Variants in TMEM132B observed in about 807,000 individuals in gnomAD.
The protein encoded by TMEM132B is transmembrane protein 132B.
In TMEM132B, 18 loss-of-function variants were observed where a neutral mutation model predicts 90.8. The ratio of observed to expected loss-of-function variants is 0.20; its 90% CI spans 0.14 to 0.29. TMEM132B has a LOEUF of 0.29. Among genes scored for constraint, TMEM132B ranks in the 10% least tolerant of loss-of-function variants. The pLI is 1.00. For synonymous variants in TMEM132B, 504 were observed against 523.3 expected, an observed-to-expected ratio of 0.96 and a Z score of 0.50; for missense variants, 1,096 against 1,326.8, an observed-to-expected ratio of 0.83 and a Z score of 2.70.
chr12:125,579,842 G>A (rs909445868), intron 4 of TMEM132B, among the ~76,000 whole-genome samples: 1 of 152,018 alleles, frequency 6.6e-6, no homozygotes, highest in African/African-American at 2.4e-5. Context: ...TTTTTTGCAT[G>A]TCTCATAAGT....
intron 1 of TMEM132B, among the ~76,000 whole-genome samples, chr12:125,273,981 C>T (rs539795964): frequency 3.3e-5 from 5 of 152,138 alleles, no homozygotes; most frequent in East Asian, 3.8e-4. Context: ...TACTTTTAAG[C>T]GCCCTCTGTG....
rs1449145836 is a variant in TMEM132B at position 125,406,472 on chromosome 12, A to G, written c.960-9059A>G. 6.6e-6 allele frequency among the ~76,000 whole-genome samples: 1 copy of G among 152,190 alleles called. No homozygotes were observed. ...CCGGGGAAAGGTGAGCCACAGTCTC[A>G]GTCTGTGGCCAAAACCATCTGAGAC... On this transcript the variant is annotated intron_variant, in intron 2 of 8. Transcript: ENST00000682704. The surrounding 1 kb of genome is among the most constrained non-coding windows in gnomAD (Gnocchi z 8.3).
chr12:125,412,270 A>G (rs1879870297), intron 2 of TMEM132B, among the ~76,000 whole-genome samples: 1 of 152,216 alleles, frequency 6.6e-6, no homozygotes. Context: ...AAAAGAAGGA[A>G]CAAAAATCTC....
Position 125,560,648 on chromosome 12 carries a change from C to T in TMEM132B, c.1294-23203C>T, listed in dbSNP as rs186810723. 3.6e-3 allele frequency among the ~76,000 whole-genome samples: 536 copies of T among 150,736 alleles called. 3 individuals carry two copies. The highest frequency in any genetic ancestry group is 0.012 in the African/African-American group (474 of 40,968). Reference sequence around the variant, plus strand: ...CCATCCTGGCTAATAAGGTGAAACCCCGTCTCTACTAAAAAAAATACAAAA... The same window carrying T: ...CCATCCTGGCTAATAAGGTGAAACCTCGTCTCTACTAAAAAAAATACAAAA... On this transcript the variant is annotated intron_variant, in intron 4 of 8. Transcript: ENST00000682704.
intron 3 of TMEM132B, among the ~76,000 whole-genome samples, chr12:125,436,963 C>T (rs1880725222): frequency 6.6e-6 from 1 of 152,198 alleles, no homozygotes; most frequent in South Asian, 2.1e-4. Context: ...TTTTGACCCT[C>T]AAGCCAGGTC....
intron 5 of TMEM132B, among the ~76,000 whole-genome samples, chr12:125,617,310 A>G (rs1352401735): frequency 1.3e-5 from 2 of 149,956 alleles, no homozygotes; most frequent in Non-Finnish European, 3.0e-5. Flanking sequence ...TCACCCTGCT[A>G]TGACAGTGAC....
chr12:125,536,933 TCAATACGAGCCTTA>T (rs1403403105), intron 4 of TMEM132B, among the ~76,000 whole-genome samples: 1 of 152,066 alleles, frequency 6.6e-6, no homozygotes, highest in Non-Finnish European at 1.5e-5. Flanking sequence ...TATGATATTA[TCAATACGAGCCTTA>T]CTGTTTACTC....
At chr12:125,297,934 G>C (rs1432862322) in intron 1 of TMEM132B, among the ~76,000 whole-genome samples, 1 of 152,164 alleles carries the variant, frequency 6.6e-6, no homozygotes, top group Non-Finnish European at 1.5e-5. Flanking sequence ...ATTCCCAACA[G>C]TAAACAAGCA....
chr12:125,464,639 T>G (rs919521853), intron 3 of TMEM132B, among the ~76,000 whole-genome samples: 1 of 152,170 alleles, frequency 6.6e-6, no homozygotes, highest in Non-Finnish European at 1.5e-5. Context: ...GTCTTCGTGA[T>G]TAAAGTCAAT....
At chr12:125,222,712 G>A (rs577205051) in intron 1 of TMEM132B, among the ~76,000 whole-genome samples, 43 of 152,192 alleles carry the variant, frequency 2.8e-4, no homozygotes, top group African/African-American at 1.0e-3. Context: ...TTGATTGTGG[G>A]GCTGTCCTGG....
chr12:125,481,786 C>T (rs1310201875), intron 3 of TMEM132B, among the ~76,000 whole-genome samples: 1 of 152,092 alleles, frequency 6.6e-6, no homozygotes. Flanking sequence ...AAAGAGTCCC[C>T]AGAGCCAAGA....
chr12:125,581,664 A>G (rs1057249481), intron 4 of TMEM132B, among the ~76,000 whole-genome samples: 2 of 152,160 alleles, frequency 1.3e-5, no homozygotes, highest in Non-Finnish European at 2.9e-5. Flanking sequence ...AGGGATGCTC[A>G]TTAGACAAAA....
At chr12:125,556,968 A>C (rs12308090) in intron 4 of TMEM132B, among the ~76,000 whole-genome samples, 1 of 152,020 alleles carries the variant, frequency 6.6e-6, no homozygotes, top group Non-Finnish European at 1.5e-5. Flanking sequence ...GTTAGCCAGG[A>C]CATCTCTGTT....
chr12:125,375,879 G>A (rs1315543902), intron 2 of TMEM132B, among the ~76,000 whole-genome samples: 1 of 152,216 alleles, frequency 6.6e-6, no homozygotes, highest in Non-Finnish European at 1.5e-5. Flanking sequence ...TCATCTTAGA[G>A]GCCACCTAAA....
intron 3 of TMEM132B, among the ~76,000 whole-genome samples, chr12:125,467,071 C>A (rs1208453690): frequency 6.6e-6 from 1 of 152,158 alleles, no homozygotes; most frequent in Non-Finnish European, 1.5e-5. Context: ...AGTGAACATC[C>A]CAAGGCTTTT....
At chr12:125,312,260 G>T (rs1439194185) in intron 1 of TMEM132B, among the ~76,000 whole-genome samples, 2 of 152,190 alleles carry the variant, frequency 1.3e-5, no homozygotes, top group Admixed American at 6.5e-5. Flanking sequence ...TAGTTGTTTG[G>T]ATGCTCTAAA....
rs572450949 is a variant in TMEM132B at position 125,568,179 on chromosome 12, T to A, written c.1294-15672T>A. Among the ~76,000 whole-genome samples, 6 of 152,332 alleles carry A rather than the reference T, an allele frequency of 3.9e-5. No homozygotes were observed. The East Asian group carries it at 9.7e-4, about 25-fold the overall frequency. The stretch of plus-strand genomic sequence containing the variant: ...GTTTCTCTGTGTTGCATGTAAGCTG[T>A]GGGCTCTCTGCTTTTGTCTGTGTAT... On this transcript the variant is annotated intron_variant, in intron 4 of 8. Coordinates refer to ENST00000682704, the MANE Select transcript of TMEM132B (RefSeq NM_001366854.1).
intron 3 of TMEM132B, among the ~76,000 whole-genome samples, chr12:125,454,244 T>C (rs1214409075): frequency 2.6e-5 from 4 of 152,162 alleles, no homozygotes; most frequent in African/African-American, 7.2e-5. Flanking sequence ...AATAAAATAA[T>C]AACCAAAATA....
intron 1 of TMEM132B, among the ~76,000 whole-genome samples, chr12:125,348,412 C>T (rs1167262011): frequency 3.3e-5 from 5 of 152,198 alleles, no homozygotes; most frequent in South Asian, 2.1e-4. Flanking sequence ...CTGCAATCTC[C>T]GCCTCTTGGG....
Sources: gnomAD v4.1 joint callset for allele counts (sites outside exome capture counted in the v4.1 genomes callset) on GRCh38, gnomAD v4.1.1 for gene constraint, Gnocchi (gnomAD v3.1) non-coding constraint, MANE v1.5 for transcripts, NCBI Gene and HGNC (gene_info 2026-07-23, HGNC 2026-07-21) for gene names.